Variants in TRIM72 observed in about 807,000 individuals in gnomAD.
The protein encoded by TRIM72 is tripartite motif containing 72, also known as tripartite motif-containing protein 72.
A neutral mutation model predicts 31.6 loss-of-function variants in TRIM72; 33 were observed. The observed-to-expected ratio is 1.04, with a 90% CI of 0.79 to 1.40. The LOEUF (loss-of-function observed/expected upper bound fraction) is 1.40, where lower values mean the gene tolerates loss of function less well. Ranked by LOEUF, TRIM72 falls within the 40% of genes most tolerant of loss-of-function variation. TRIM72 has a pLI of 0.00. For synonymous variants in TRIM72, 301 were observed against 314.4 expected (o/e 0.96, Z 0.45); for missense variants, 666 against 682.7 (o/e 0.98, Z 0.27).
At position 31,216,331 on chromosome 16, in the gene TRIM72, A is replaced by G. The variant is rs193221278; in HGVS notation, c.390+1203A>G. On this transcript the variant is annotated intron_variant, in intron 2 of 6. Coordinates refer to ENST00000322122, the MANE Select transcript of TRIM72 (RefSeq NM_001008274.4). The surrounding 1 kb of genome is among the most constrained non-coding windows in gnomAD (Gnocchi z 6.7). ...CTCCCATCCCAGCACACCTGTGCTTAAGACCCCAACCTCAGGGCAACCCGC... is the reference window on the plus strand; with the variant it reads ...CTCCCATCCCAGCACACCTGTGCTTGAGACCCCAACCTCAGGGCAACCCGC... 1.5e-3 allele frequency: 250 copies of G among 166,954 alleles called. 2 individuals carry two copies. Among genetic ancestry groups the G allele is most frequent in the Middle Eastern group, 8.9e-3 (3 of 336 alleles). 10.3% of individuals were successfully genotyped at this position (166,954 alleles called of 1,614,324 possible).
At chr16:31,220,524 A>T (rs550061339) in intron 4 of TRIM72, among the ~76,000 whole-genome samples, 24 of 114,862 alleles carry the variant, frequency 2.1e-4, no homozygotes, top group Non-Finnish European at 3.7e-4. Context: ...GCTGGAGTGC[A>T]GTGGCATGAC....
chr16:31,220,817 A>G (rs934172876), intron 4 of TRIM72, 79 bp from the exon 5 acceptor site: 2 of 1,565,662 alleles, frequency 1.3e-6, no homozygotes, highest in Non-Finnish European at 1.8e-6. Context: ...CAGCATTCCT[A>G]GTTGTCTACC....
At chr16:31,217,012 T>G in intron 2 of TRIM72, 1 of 1,612,740 alleles carries the variant, frequency 6.2e-7, no homozygotes, top group South Asian at 1.1e-5. Context: ...CAGGATGGCC[T>G]CGCGCTTCGT....
At chr16:31,217,261 G>A (rs1408247554) in intron 2 of TRIM72, 3 of 561,600 alleles carry the variant, frequency 5.3e-6, no homozygotes, top group East Asian at 5.8e-5. Context: ...GGGGATTGCT[G>A]TTCCCAATCT....
chr16:31,217,013 C>T (rs1291557204), intron 2 of TRIM72: 1 of 1,612,712 alleles, frequency 6.2e-7, no homozygotes, highest in African/African-American at 1.3e-5. Flanking sequence ...AGGATGGCCT[C>T]GCGCTTCGTT....
intron 5 of TRIM72, among the ~76,000 whole-genome samples, chr16:31,221,981 AG>A (rs1387522441): frequency 6.6e-6 from 1 of 151,966 alleles, no homozygotes; most frequent in Non-Finnish European, 1.5e-5. Context: ...TTGCTGGGAG[AG>A]GGGACAGCCA....
At chr16:31,217,554 A>T (rs946250517) in intron 2 of TRIM72, among the ~76,000 whole-genome samples, 1 of 146,730 alleles carries the variant, frequency 6.8e-6, no homozygotes, top group Non-Finnish European at 1.5e-5. Flanking sequence ...ATATTTGCAT[A>T]TTTGCATTTG....
intron 6 of TRIM72, among the ~76,000 whole-genome samples, 174 bp downstream of exon 6, chr16:31,223,119 C>T (rs771799966): frequency 3.3e-5 from 5 of 152,074 alleles, no homozygotes; most frequent in African/African-American, 4.8e-5. Flanking sequence ...GGAGGAGGGC[C>T]TTTGAGAGCA....
chr16:31,217,009 G>C (rs772581790), intron 2 of TRIM72: 1 of 1,612,814 alleles, frequency 6.2e-7, no homozygotes, highest in Non-Finnish European at 8.5e-7. Flanking sequence ...CTTCAGGATG[G>C]CCTCGCGCTT....
chr16:31,223,186 C>T (rs567583125), intron 6 of TRIM72, among the ~76,000 whole-genome samples: 5 of 152,166 alleles, frequency 3.3e-5, no homozygotes, highest in South Asian at 2.1e-4. Context: ...TGGCACGGGA[C>T]GCTGGGGCCT....
At chr16:31,214,655 T>TGGGCTA in intron 1 of TRIM72, 77 bp from the exon 2 acceptor site, 2 of 1,363,186 alleles carry the variant, frequency 1.5e-6, no homozygotes, top group Non-Finnish European at 1.9e-6. Flanking sequence ...GGGCCCGGCC[T>TGGGCTA]GGGCTAGGGC....
Position 31,224,250 on chromosome 16 carries a change from G to A in TRIM72, c.929G>A (p.Arg310His), listed in dbSNP as rs1185637569. Residue 310 changes from arginine to histidine, a missense_variant, in exon 7 of 7, where the codon CGC becomes CAC. By Grantham distance (29) the Arg-to-His change is conservative (BLOSUM62 0). Transcript: ENST00000322122. The part of the protein sequence containing the change: ...PSLVVSSSGR[R>H]VECSEQKAPP... ...CTGGTGGTGTCTTCCTCTGGCCGCC[G>A]CGTGGAGTGCTCGGAGCAGAAGGCG... The A allele has an allele frequency of 6.2e-7, 1 of 1,604,996 alleles. No individual in the cohort carries two copies.
In TRIM72 at chr16:31,215,019, G is replaced by T. The variant is rs1473052320; in HGVS notation, c.281G>T (p.Ser94Ile). Residue 94 changes from serine (S) to isoleucine (I), a missense_variant, in exon 2 of 7, where the codon AGC becomes ATC. Ser to Ile is a moderately radical substitution (Grantham distance 142). Coordinates refer to ENST00000322122, the MANE Select transcript of TRIM72 (RefSeq NM_001008274.4). The surrounding 1 kb of genome is among the most constrained non-coding windows in gnomAD (Gnocchi z 6.3). ...GHCEEHLDPL[S>I]IYCEQDRALV... ...TGCGAGGAGCACCTGGACCCGCTGA[G>T]CATCTACTGCGAGCAGGACCGCGCG... The T allele has an allele frequency of 3.3e-6, 5 of 1,506,806 alleles. No individual in the cohort carries two copies. Among genetic ancestry groups the T allele is most frequent in the Non-Finnish European group, 4.4e-6 (5 of 1,136,176 alleles). The allele number at this position is 1,506,806 out of a possible 1,614,324, so 93.3% of individuals were successfully genotyped here.
chr16:31,214,480 C>T (rs1438449375), intron 1 of TRIM72, among the ~76,000 whole-genome samples, 183 bp downstream of exon 1: 1 of 152,158 alleles, frequency 6.6e-6, no homozygotes, highest in Non-Finnish European at 1.5e-5. Context: ...TGTTCAGGAA[C>T]TGGGGTTGAC....
At chr16:31,222,131 G>C (rs2079536889) in intron 5 of TRIM72, among the ~76,000 whole-genome samples, 1 of 152,156 alleles carries the variant, frequency 6.6e-6, no homozygotes, top group South Asian at 2.1e-4. Flanking sequence ...AGTGGCTCAC[G>C]CCTGTCATCC....
chr16:31,218,153 C>T (rs1395505874), intron 2 of TRIM72, among the ~76,000 whole-genome samples: 2 of 152,262 alleles, frequency 1.3e-5, no homozygotes, highest in East Asian at 1.9e-4. Flanking sequence ...GAGACCAAAC[C>T]ACACTGATGT....
intron 2 of TRIM72, among the ~76,000 whole-genome samples, chr16:31,218,293 C>T (rs2079519089): frequency 6.6e-6 from 1 of 151,942 alleles, no homozygotes; most frequent in African/African-American, 2.4e-5. Flanking sequence ...GCCTGTAATC[C>T]CAGCATGCTG....
chr16:31,222,675 C>G, intron 5 of TRIM72, 152 bp from the exon 6 acceptor site: 2 of 557,834 alleles, frequency 3.6e-6, no homozygotes, highest in Admixed American at 4.0e-5. Context: ...CAACCATCAC[C>G]AGTGTTTATC....
chr16:31,214,759 C>G lies in TRIM72; in HGVS notation c.21C>G (p.Leu7=). 6.3e-7 allele frequency: 1 copy of G among 1,577,004 alleles called. No individual in the cohort carries two copies. Among genetic ancestry groups the G allele is most frequent in the South Asian group, 1.1e-5 (1 of 89,102 alleles). Residue 7 remains leucine (L), a synonymous_variant, in exon 2 of 7, where the codon CTC becomes CTG. Transcript: ENST00000322122. MSAAPG[L]LHQELSCPLC... is the part of the protein sequence containing the mutation. The stretch of plus-strand genomic sequence containing the variant: ...CCGCCATGTCGGCTGCGCCCGGCCT[C>G]CTGCACCAGGAGCTGTCCTGCCCGC...
Sources: gnomAD v4.1 joint callset for allele counts (sites outside exome capture counted in the v4.1 genomes callset) on GRCh38, gnomAD v4.1.1 for gene constraint, Gnocchi (gnomAD v3.1) non-coding constraint, MANE v1.5 for transcripts, NCBI Gene and HGNC (gene_info 2026-07-23, HGNC 2026-07-21) for gene names.